The following PTN variants were observed in gnomAD, a reference collection of about 807,000 sequenced individuals.
PTN encodes pleiotrophin.
Under a neutral mutation model 24.1 loss-of-function variants are expected in PTN, and 18 were observed. The observed-to-expected ratio is 0.75, with a 90% confidence interval of 0.52 to 1.11. The LOEUF is 1.11. Ranked by LOEUF, PTN falls within the 50% of genes least tolerant of loss-of-function variation. The probability of loss-of-function intolerance (pLI) is 0.00; values close to 1 mark genes in which losing one functional copy is unlikely to be tolerated. For synonymous variants in PTN, 78 were observed against 68.6 expected (o/e 1.14, Z -0.67); for missense variants, 163 against 198.8 (o/e 0.82, Z 1.08).
chr7:137,243,516 A>G (rs1808669591), intron 4 of PTN, among the ~76,000 whole-genome samples: 1 of 152,190 alleles, frequency 6.6e-6, no homozygotes, highest in Non-Finnish European at 1.5e-5. Context: ...ATTCTTGCAC[A>G]CTGTGGTAGA....
chr7:137,264,602 C>T (rs1809104597), intron 1 of PTN, among the ~76,000 whole-genome samples: 1 of 152,186 alleles, frequency 6.6e-6, no homozygotes, highest in Non-Finnish European at 1.5e-5. Flanking sequence ...CTAGAATAAA[C>T]TGAGTCCAAT....
At chr7:137,253,974 C>A (rs562612171) in intron 2 of PTN, among the ~76,000 whole-genome samples, 1 of 152,222 alleles carries the variant, frequency 6.6e-6, no homozygotes, top group South Asian at 2.1e-4. Context: ...AAATATAGTT[C>A]TCCTAAAAAT....
intron 4 of PTN, among the ~76,000 whole-genome samples, chr7:137,232,929 T>C (rs1220816061): frequency 6.6e-6 from 1 of 151,964 alleles, no homozygotes; most frequent in Non-Finnish European, 1.5e-5. Context: ...TCCGCCATGA[T>C]TGTATGTTTC....
chr7:137,246,797 A>G (rs564159953), intron 4 of PTN, among the ~76,000 whole-genome samples: 15 of 152,334 alleles, frequency 9.8e-5, no homozygotes, highest in African/African-American at 3.4e-4. Flanking sequence ...AATACCAAGA[A>G]GGAGCATCGT....
At chr7:137,261,915 A>G (rs916603352) in intron 1 of PTN, among the ~76,000 whole-genome samples, 3 of 152,202 alleles carry the variant, frequency 2.0e-5, no homozygotes, top group African/African-American at 7.2e-5. Context: ...TTTATACTCA[A>G]ACAAAGTACA....
At chr7:137,302,510 G>C (rs1809822612) in intron 1 of PTN, among the ~76,000 whole-genome samples, 1 of 151,990 alleles carries the variant, frequency 6.6e-6, no homozygotes, top group Non-Finnish European at 1.5e-5. Flanking sequence ...GGATGCAAAA[G>C]AACTGGGTTT....
At chr7:137,266,140 G>T (rs1019097972) in intron 1 of PTN, among the ~76,000 whole-genome samples, 1 of 152,134 alleles carries the variant, frequency 6.6e-6, no homozygotes, top group Non-Finnish European at 1.5e-5. Flanking sequence ...GAGGAGATTG[G>T]TGCTTTAAGA....
At chr7:137,246,811 G>C (rs560888023) in intron 4 of PTN, among the ~76,000 whole-genome samples, 30 of 152,312 alleles carry the variant, frequency 2.0e-4, no homozygotes, top group African/African-American at 6.3e-4. Flanking sequence ...GCATCGTGCA[G>C]TTGAAAAGGC....
intron 1 of PTN, among the ~76,000 whole-genome samples, chr7:137,268,132 T>A (rs1809193204): frequency 6.6e-6 from 1 of 152,064 alleles, no homozygotes; most frequent in Non-Finnish European, 1.5e-5. Flanking sequence ...TTCCCGGTGT[T>A]CAGCCACTGC....
chr7:137,273,498 G>C (rs1413122488), intron 1 of PTN, among the ~76,000 whole-genome samples: 1 of 152,148 alleles, frequency 6.6e-6, no homozygotes, highest in Non-Finnish European at 1.5e-5. Flanking sequence ...CAAGGCAGCA[G>C]GAAGGAGAAT....
intron 1 of PTN, among the ~76,000 whole-genome samples, chr7:137,261,409 A>G (rs1025156968): frequency 1.3e-5 from 2 of 152,208 alleles, no homozygotes; most frequent in African/African-American, 4.8e-5. Flanking sequence ...TAATATAAAT[A>G]TTAAACCCAC....
chr7:137,293,566 T>C (rs1010309531), intron 1 of PTN, among the ~76,000 whole-genome samples: 2 of 152,126 alleles, frequency 1.3e-5, no homozygotes, highest in South Asian at 2.1e-4. Context: ...GATTCTACCA[T>C]ACTCAGCATC....
chr7:137,306,907 C>A (rs568117600), intron 1 of PTN, among the ~76,000 whole-genome samples: 2 of 152,104 alleles, frequency 1.3e-5, no homozygotes, highest in South Asian at 4.2e-4. Context: ...ACCTTTAGTG[C>A]TGGCTTTACT....
intron 1 of PTN, among the ~76,000 whole-genome samples, chr7:137,260,981 A>C (rs1182591662): frequency 1.3e-5 from 2 of 152,160 alleles, no homozygotes; most frequent in Admixed American, 6.6e-5. Context: ...AAGTTCATAA[A>C]GATATATAGG....
intron 4 of PTN, among the ~76,000 whole-genome samples, chr7:137,235,421 C>G (rs10488607): frequency 0.19 from 28,408 of 152,070 alleles, 2,873 homozygotes; most frequent in Middle Eastern, 0.26. Flanking sequence ...TGGCACTGTT[C>G]ATTCAATTTC....
At chr7:137,319,110 G>A (rs10238974) in intron 1 of PTN, among the ~76,000 whole-genome samples, 18,347 of 152,074 alleles carry the variant, frequency 0.12, 3,546 homozygotes, top group African/African-American at 0.41. Context: ...ACACCACATC[G>A]TCGCTGACTA....
Position 137,304,438 on chromosome 7 carries a change from C to T in PTN, c.-2+39001G>A, listed in dbSNP as rs183638965. Among the ~76,000 whole-genome samples, 846 of 151,686 alleles carry T rather than the reference C, an allele frequency of 5.6e-3. 6 individuals carry two copies. Among genetic ancestry groups the T allele is most frequent in the South Asian group, 0.024 (113 of 4,786 alleles). ...GTCTATAGCTATTCATAGACCACCC[C>T]GCTCCCCCTCCCCATCAAAAAAAGA... On this transcript the variant is annotated intron_variant, in intron 1 of 4. Transcript: ENST00000348225.
chr7:137,300,141 AG>A (rs1486533743), intron 1 of PTN, among the ~76,000 whole-genome samples: 2 of 151,866 alleles, frequency 1.3e-5, no homozygotes, highest in Admixed American at 6.6e-5. Context: ...GTAGATGGAT[AG>A]AACATTGATA....
rs776603139 is a variant in PTN at position 137,227,848 on chromosome 7, T to C, written c.*172A>G. The C allele has an allele frequency of 1.9e-4, 119 of 636,190 alleles. 1 individual carries two copies. The highest frequency in any genetic ancestry group is 2.7e-4 in the Non-Finnish European group (106 of 395,070). 39.4% of individuals were successfully genotyped at this position (636,190 alleles called of 1,614,324 possible). On this transcript the variant is annotated 3_prime_UTR_variant, in exon 5 of 5. Transcript: ENST00000348225. ...TTATTATAAGCCCCTACTGGTACTATAGTATACATTTAAAAAACGCTACTA... is the reference window on the plus strand; with the variant it reads ...TTATTATAAGCCCCTACTGGTACTACAGTATACATTTAAAAAACGCTACTA...
Sources: allele counts gnomAD v4.1 joint callset (sites outside exome capture counted in the v4.1 genomes callset), GRCh38; gene constraint gnomAD v4.1.1; transcripts MANE v1.5; gene names NCBI Gene and HGNC (gene_info 2026-07-23, HGNC 2026-07-21).